The following PLPP4 variants were observed in gnomAD, a reference collection of about 807,000 sequenced individuals.
The protein encoded by PLPP4 is diacylglycerol pyrophosphate like 2.
Under a neutral mutation model 32.2 loss-of-function variants are expected in PLPP4, and 20 were observed. That is an observed-to-expected ratio of 0.62 (90% CI 0.44 to 0.90). PLPP4 has a LOEUF of 0.90. Ranked by LOEUF, PLPP4 falls within the 40% of genes least tolerant of loss-of-function variation. The pLI is 0.00. For missense variants in PLPP4, 257 were observed against 353.1 expected (o/e 0.73, Z 2.18); for synonymous variants, 127 against 133.0 (o/e 0.95, Z 0.31).
At chr10:120,462,930 G>T (rs1379410538) in intron 1 of PLPP4, among the ~76,000 whole-genome samples, 1 of 151,976 alleles carries the variant, frequency 6.6e-6, no homozygotes, top group Non-Finnish European at 1.5e-5. Context: ...TGAAGTTTTG[G>T]GGTTGATTGG....
chr10:120,580,680 C>CACAT (rs1564855666), intron 6 of PLPP4, among the ~76,000 whole-genome samples: 1 of 148,156 alleles, frequency 6.7e-6, no homozygotes, highest in African/African-American at 2.5e-5. Flanking sequence ...CACACACACA[C>CACAT]GGCTGAGGGA....
At chr10:120,563,523 G>A (rs1024372740) in intron 5 of PLPP4, among the ~76,000 whole-genome samples, 31 of 149,516 alleles carry the variant, frequency 2.1e-4, no homozygotes, top group African/African-American at 5.1e-4. Context: ...ATTTTAGGCC[G>A]GGCGCGGTGG....
intron 1 of PLPP4, among the ~76,000 whole-genome samples, chr10:120,480,171 C>T (rs1844130261): frequency 6.6e-6 from 1 of 152,178 alleles, no homozygotes; most frequent in African/African-American, 2.4e-5. Flanking sequence ...TAGAGAGGGA[C>T]AGTTTTGACG....
At chr10:120,587,595 A>G (rs1849821000) in intron 6 of PLPP4, 1 of 152,258 alleles carries the variant, frequency 6.6e-6, no homozygotes, top group South Asian at 2.1e-4. Context: ...ATTCTATGAA[A>G]GATACTGAAA....
chr10:120,526,685 A>G (rs1160422698), intron 5 of PLPP4, among the ~76,000 whole-genome samples: 2 of 152,100 alleles, frequency 1.3e-5, no homozygotes, highest in Non-Finnish European at 2.9e-5. Flanking sequence ...GATAGTTAAA[A>G]CTTCTGTCTT....
chr10:120,485,383 C>T (rs1844399975), intron 1 of PLPP4, among the ~76,000 whole-genome samples: 2 of 152,234 alleles, frequency 1.3e-5, no homozygotes, highest in Admixed American at 6.5e-5. Context: ...GAGGGGACCC[C>T]TTTGTCTCTC....
chr10:120,570,768 C>T (rs781043739), intron 5 of PLPP4, among the ~76,000 whole-genome samples: 2 of 152,112 alleles, frequency 1.3e-5, no homozygotes, highest in South Asian at 2.1e-4. Flanking sequence ...TCAGTGTCAC[C>T]AGGCAGGCAG....
intron 5 of PLPP4, among the ~76,000 whole-genome samples, chr10:120,562,646 C>G (rs1163872214): frequency 6.6e-6 from 1 of 152,122 alleles, no homozygotes; most frequent in Non-Finnish European, 1.5e-5. Context: ...GTGATACTTT[C>G]CCTTTGATGT....
Position 120,590,735 on chromosome 10 carries a change from G to C in PLPP4, c.*1233G>C, listed in dbSNP as rs181796411. ...TCAGATTCCTGGGCCTGGGTGCTACGAGGTGATGCATCTTTGCTATCCAGA... is the reference window on the plus strand; with the variant it reads ...TCAGATTCCTGGGCCTGGGTGCTACCAGGTGATGCATCTTTGCTATCCAGA... On this transcript the variant is annotated 3_prime_UTR_variant, in exon 7 of 7. Transcript: ENST00000398250. 6.6e-6 allele frequency among the ~76,000 whole-genome samples: 1 copy of C among 151,320 alleles called. No homozygotes were observed. The highest frequency in any genetic ancestry group is 1.5e-5 in the Non-Finnish European group (1 of 67,916).
chr10:120,511,576 T>C (rs142069657), intron 2 of PLPP4, among the ~76,000 whole-genome samples: 119 of 152,326 alleles, frequency 7.8e-4, no homozygotes, highest in Middle Eastern at 3.4e-3. Flanking sequence ...GCACATTGCC[T>C]GGTCTGTATG....
chr10:120,482,034 C>T (rs1287677697), intron 1 of PLPP4, among the ~76,000 whole-genome samples: 2 of 152,164 alleles, frequency 1.3e-5, no homozygotes, highest in Non-Finnish European at 2.9e-5. Context: ...TTCCCAGCCA[C>T]GTGGAACTGT....
At chr10:120,588,306 G>A (rs758214795) in intron 6 of PLPP4, among the ~76,000 whole-genome samples, 1 of 152,156 alleles carries the variant, frequency 6.6e-6, no homozygotes, top group African/African-American at 2.4e-5. Flanking sequence ...GTTCTCTTTG[G>A]CAGGGGGCTG....
chr10:120,473,601 G>A (rs1156574970), intron 1 of PLPP4, among the ~76,000 whole-genome samples: 1 of 152,114 alleles, frequency 6.6e-6, no homozygotes, highest in Non-Finnish European at 1.5e-5. Flanking sequence ...GATATGGTTT[G>A]GCTCTGCATC....
At chr10:120,524,661 C>G (rs1444831170) in intron 5 of PLPP4, among the ~76,000 whole-genome samples, 3 of 152,188 alleles carry the variant, frequency 2.0e-5, no homozygotes, top group Non-Finnish European at 4.4e-5. Context: ...AAACTCTCAG[C>G]AAACAGCATT....
chr10:120,469,511 C>T (rs1848426947), intron 1 of PLPP4, among the ~76,000 whole-genome samples: 1 of 152,104 alleles, frequency 6.6e-6, no homozygotes, highest in African/African-American at 2.4e-5. Flanking sequence ...ACAGGCATGA[C>T]ACACCGTGCC....
chr10:120,536,403 T>C (rs1438981312), intron 5 of PLPP4, among the ~76,000 whole-genome samples: 1 of 152,064 alleles, frequency 6.6e-6, no homozygotes, highest in African/African-American at 2.4e-5. Context: ...GGTCAACTAA[T>C]TTTTGACAAA....
chr10:120,477,482 C>T (rs1208212672), intron 1 of PLPP4, among the ~76,000 whole-genome samples: 2 of 152,098 alleles, frequency 1.3e-5, no homozygotes, highest in Non-Finnish European at 2.9e-5. Flanking sequence ...TTGAAAATCA[C>T]CTCCCATTTT....
intron 1 of PLPP4, among the ~76,000 whole-genome samples, chr10:120,485,812 A>G (rs1844421845): frequency 6.6e-6 from 1 of 152,218 alleles, no homozygotes; most frequent in Non-Finnish European, 1.5e-5. Context: ...CTCTCCTTGT[A>G]AGGTGACTGC....
intron 3 of PLPP4, among the ~76,000 whole-genome samples, chr10:120,515,760 C>G (rs186966955): frequency 6.6e-6 from 1 of 152,320 alleles, no homozygotes; most frequent in African/African-American, 2.4e-5. Flanking sequence ...CCAAAAAGTG[C>G]TGTTGGGAGC....
Sources: allele counts gnomAD v4.1 joint callset (sites outside exome capture counted in the v4.1 genomes callset), GRCh38; gene constraint gnomAD v4.1.1; transcripts MANE v1.5; gene names NCBI Gene and HGNC (gene_info 2026-07-23, HGNC 2026-07-21).